MYO5B: variants seen among roughly 807,000 people sequenced by gnomAD.
The protein encoded by MYO5B is unconventional myosin-Vb.
Under a neutral mutation model 229.3 loss-of-function variants are expected in MYO5B, and 143 were observed. The observed-to-expected ratio is 0.62, with a 90% CI of 0.54 to 0.72. MYO5B has a LOEUF of 0.72. MYO5B is among the 30% of genes least tolerant of loss of function. MYO5B has a pLI of 0.00. For missense variants in MYO5B, 2,321 were observed against 2,331.0 expected (o/e 1.00, Z 0.09); for synonymous variants, 918 against 885.2 (o/e 1.04, Z -0.66).
intron 14 of MYO5B, among the ~76,000 whole-genome samples, chr18:49,937,803 C>T (rs936607063): frequency 6.8e-6 from 1 of 147,132 alleles, no homozygotes; most frequent in Non-Finnish European, 1.5e-5. Flanking sequence ...TTATTGGTTG[C>T]TAGGGGTTGG....
chr18:50,043,686 A>G (rs1434330592), intron 2 of MYO5B, among the ~76,000 whole-genome samples: 1 of 140,600 alleles, frequency 7.1e-6, no homozygotes, highest in Non-Finnish European at 1.5e-5. Flanking sequence ...ATAAATATAT[A>G]TAAATATATA....
chr18:50,150,428 C>G (rs1461016001), intron 1 of MYO5B, among the ~76,000 whole-genome samples: 1 of 146,568 alleles, frequency 6.8e-6, no homozygotes, highest in South Asian at 2.3e-4. Context: ...GACTTGGAAC[C>G]AACCCAAATG....
intron 35 of MYO5B, 129 bp from the exon 36 acceptor site, chr18:49,839,423 T>C: frequency 9.9e-7 from 1 of 1,014,814 alleles, no homozygotes; most frequent in Non-Finnish European, 1.5e-6. Flanking sequence ...CCTATGTAGA[T>C]GATGTTTTAC....
intron 17 of MYO5B, among the ~76,000 whole-genome samples, chr18:49,924,776 A>G (rs1387996804): frequency 6.6e-6 from 1 of 152,198 alleles, no homozygotes; most frequent in African/African-American, 2.4e-5. Context: ...TGGTAATCTT[A>G]ACCAGCTCAC....
At chr18:49,860,976 C>T (rs2024321988) in intron 29 of MYO5B, among the ~76,000 whole-genome samples, 1 of 152,204 alleles carries the variant, frequency 6.6e-6, no homozygotes, top group Admixed American at 6.5e-5. Flanking sequence ...GCCTCTCCTC[C>T]CTCAATGCTG....
chr18:50,072,835 C>G (rs1057036338), intron 1 of MYO5B, among the ~76,000 whole-genome samples: 20 of 151,800 alleles, frequency 1.3e-4, no homozygotes, highest in African/African-American at 4.6e-4. Flanking sequence ...AAGGAAGAGT[C>G]CAGGAGGAAG....
intron 36 of MYO5B, among the ~76,000 whole-genome samples, chr18:49,838,098 A>G (rs1199580740): frequency 6.6e-6 from 1 of 152,208 alleles, no homozygotes; most frequent in East Asian, 1.9e-4. Context: ...CAGTTTGAGA[A>G]TTGAGCAACC....
chr18:50,041,576 A>C (rs919750853), intron 2 of MYO5B, among the ~76,000 whole-genome samples: 2 of 152,202 alleles, frequency 1.3e-5, no homozygotes, highest in African/African-American at 4.8e-5. Context: ...TAGTATTGGT[A>C]AGTAAATTAG....
At chr18:50,076,156 A>T (rs547076058) in intron 1 of MYO5B, among the ~76,000 whole-genome samples, 1 of 152,322 alleles carries the variant, frequency 6.6e-6, no homozygotes, top group East Asian at 1.9e-4. Context: ...TTTAATTGCA[A>T]AAGGCGTGCC....
chr18:50,080,099 A>C (rs971912392), intron 1 of MYO5B, among the ~76,000 whole-genome samples: 1 of 152,168 alleles, frequency 6.6e-6, no homozygotes, highest in African/African-American at 2.4e-5. Context: ...ACCACTGTCC[A>C]TGTCCAGAAT....
chr18:50,181,661 A>T (rs1369308749), intron 1 of MYO5B, among the ~76,000 whole-genome samples: 1 of 152,194 alleles, frequency 6.6e-6, no homozygotes, highest in Non-Finnish European at 1.5e-5. Context: ...GACCACCCCA[A>T]AGGAAACAGA....
chr18:49,856,877 A>C lies in MYO5B; in HGVS notation c.3958T>G (p.Trp1320Gly), dbSNP rs1294174391. 1 of 1,614,108 alleles carries C rather than the reference A, an allele frequency of 6.2e-7. No homozygotes were observed. Among genetic ancestry groups the C allele is most frequent in the Middle Eastern group, 1.6e-4 (1 of 6,062 alleles). The change falls in exon 30 of 40, where the codon TGG becomes GGG. Residue 1320 changes from tryptophan (W) to glycine (G), a missense_variant. Transcript: ENST00000285039. ...VCQTNSKTED[W>G]GYLNEDGELG... Reference sequence around the variant, plus strand: ...TCTCCATCTTCATTTAAATATCCCCAATCCTCAGTCTTGCTAGAAACAAAG... The same window carrying C: ...TCTCCATCTTCATTTAAATATCCCCCATCCTCAGTCTTGCTAGAAACAAAG...
intron 1 of MYO5B, among the ~76,000 whole-genome samples, chr18:50,118,693 C>A (rs1410652065): frequency 1.3e-5 from 2 of 148,556 alleles, no homozygotes; most frequent in Non-Finnish European, 3.0e-5. Flanking sequence ...GGCGCGATCT[C>A]GGCTCACTGC....
intron 17 of MYO5B, among the ~76,000 whole-genome samples, chr18:49,920,782 G>A (rs1191145184): frequency 1.3e-5 from 2 of 152,178 alleles, no homozygotes; most frequent in Non-Finnish European, 2.9e-5. Context: ...AAATGCAGAT[G>A]TTCAGGACTC....
chr18:49,998,046 C>A (rs906294343), intron 5 of MYO5B, among the ~76,000 whole-genome samples: 2 of 151,862 alleles, frequency 1.3e-5, no homozygotes, highest in African/African-American at 4.9e-5. Context: ...AGTCGACTTA[C>A]GAAAAGTCGT....
At chr18:50,130,422 A>G (rs1191110699) in intron 1 of MYO5B, among the ~76,000 whole-genome samples, 1 of 152,204 alleles carries the variant, frequency 6.6e-6, no homozygotes, top group African/African-American at 2.4e-5. Context: ...GGGCCTCCAG[A>G]AGGAAACCTG....
chr18:50,082,393 T>C (rs1204107720), intron 1 of MYO5B, among the ~76,000 whole-genome samples: 1 of 152,190 alleles, frequency 6.6e-6, no homozygotes, highest in Non-Finnish European at 1.5e-5. Context: ...AAAAAACACA[T>C]CTTAAAACTC....
intron 5 of MYO5B, among the ~76,000 whole-genome samples, chr18:49,992,983 C>T (rs769210480): frequency 6.6e-5 from 10 of 152,208 alleles, no homozygotes; most frequent in Middle Eastern, 3.4e-3. Flanking sequence ...CCTAGCAATA[C>T]GCCACAAATT....
chr18:50,182,415 TA>T (rs1310115272), intron 1 of MYO5B, among the ~76,000 whole-genome samples: 2 of 152,170 alleles, frequency 1.3e-5, no homozygotes, highest in African/African-American at 4.8e-5. Context: ...AGATTGTTAA[TA>T]AAACCTTTTG....
Sources: gnomAD v4.1 joint callset for allele counts (sites outside exome capture counted in the v4.1 genomes callset) on GRCh38, gnomAD v4.1.1 for gene constraint, MANE v1.5 for transcripts, NCBI Gene and HGNC (gene_info 2026-07-23, HGNC 2026-07-21) for gene names.